The following NCOA3 variants were observed in gnomAD, a reference collection of about 807,000 sequenced individuals.
NCOA3 encodes the protein CBP-interacting protein.
NCOA3 carries 51 observed loss-of-function variants against 158.8 expected under a neutral mutation model. That is an observed-to-expected ratio of 0.32 (90% CI 0.26 to 0.41). The LOEUF is 0.41. NCOA3 is among the 10% of genes least tolerant of loss of function. The pLI, the probability that NCOA3 is intolerant of heterozygous loss-of-function variation, is 1.00. For missense variants in NCOA3, 1,510 were observed against 1,746.6 expected (o/e 0.86, Z 2.41); for synonymous variants, 537 against 592.4 (o/e 0.91, Z 1.36).
chr20:47,540,255 G>T (rs2425955), intron 1 of NCOA3, among the ~76,000 whole-genome samples: 70,581 of 151,962 alleles, frequency 0.46, 16,923 homozygotes, highest in Middle Eastern at 0.61. Context: ...TCTTTGAAAT[G>T]GATTTTTCCT....
chr20:47,641,585 C>T (rs2086611841), intron 16 of NCOA3, among the ~76,000 whole-genome samples: 1 of 146,546 alleles, frequency 6.8e-6, no homozygotes, highest in Admixed American at 6.9e-5. Context: ...ACTGCAAGCT[C>T]CGCCTCCTGG....
intron 2 of NCOA3, among the ~76,000 whole-genome samples, chr20:47,583,970 AG>A: frequency 6.6e-6 from 1 of 152,290 alleles, no homozygotes; most frequent in South Asian, 2.1e-4. Flanking sequence ...AAGAAAAAAA[AG>A]AAATAGAAAA....
At chr20:47,520,525 C>T (rs1488960764) in intron 1 of NCOA3, among the ~76,000 whole-genome samples, 1 of 152,182 alleles carries the variant, frequency 6.6e-6, no homozygotes, top group African/African-American at 2.4e-5. Context: ...GGTTCAACCC[C>T]CTGAAATTTG....
At position 47,648,065 on chromosome 20, in the gene NCOA3, C is replaced by T. The variant is rs955171557; in HGVS notation, c.3546+699C>T. The stretch of plus-strand genomic sequence containing the variant: ...GAGTAGCTGGGGAGCCACGCAAGCC[C>T]GGCTAGTTTTTGTATTTTTAGTAGA... On this transcript the variant is annotated intron_variant, in intron 18 of 22. Transcript: ENST00000371998. Among the ~76,000 whole-genome samples, 5 of 151,770 alleles carry T rather than the reference C, an allele frequency of 3.3e-5. No individual in the cohort carries two copies. In the East Asian group the frequency reaches 5.8e-4, roughly 18 times the overall value.
intron 1 of NCOA3, among the ~76,000 whole-genome samples, chr20:47,543,960 T>C (rs1324179487): frequency 3.9e-5 from 6 of 152,192 alleles, no homozygotes; most frequent in Admixed American, 1.3e-4. Flanking sequence ...ACATTTTTTT[T>C]CTCAAAGTTT....
intron 1 of NCOA3, among the ~76,000 whole-genome samples, chr20:47,550,306 T>C (rs955276823): frequency 6.6e-6 from 1 of 151,780 alleles, no homozygotes; most frequent in African/African-American, 2.4e-5. Flanking sequence ...TAGTCGGGCA[T>C]GGAGGCACAT....
Position 47,583,240 on chromosome 20 carries a change from C to T in NCOA3, c.-41C>T. The T allele has an allele frequency of 5.0e-6, 2 of 398,640 alleles. No individual in the cohort carries two copies. Among genetic ancestry groups the T allele is most frequent in the Non-Finnish European group, 8.8e-6 (2 of 226,058 alleles). The allele number at this position is 398,640 out of a possible 1,614,324, so 24.7% of individuals were successfully genotyped here. On this transcript the variant is annotated 5_prime_UTR_variant, in exon 2 of 23. Coordinates refer to ENST00000371998, the MANE Select transcript of NCOA3 (RefSeq NM_181659.3). Reference sequence around the variant, plus strand: ...GACCAATAAAAATAAACTGCTTGAACATCCTTTGACTGGTTAGCCAGGTAA... The same window carrying T: ...GACCAATAAAAATAAACTGCTTGAATATCCTTTGACTGGTTAGCCAGGTAA...
chr20:47,527,347 T>C (rs1489747221), intron 1 of NCOA3, among the ~76,000 whole-genome samples: 1 of 152,232 alleles, frequency 6.6e-6, no homozygotes, highest in Non-Finnish European at 1.5e-5. Flanking sequence ...CATGTAATCA[T>C]AAAGTATGTT....
chr20:47,617,189 C>T (rs1485162947), intron 2 of NCOA3, among the ~76,000 whole-genome samples: 1 of 152,176 alleles, frequency 6.6e-6, no homozygotes, highest in Non-Finnish European at 1.5e-5. Context: ...CTCCTGACCT[C>T]AGGTGATCCA....
chr20:47,555,698 G>A (rs918771330), intron 1 of NCOA3, among the ~76,000 whole-genome samples: 2 of 125,476 alleles, frequency 1.6e-5, no homozygotes, highest in Non-Finnish European at 3.1e-5. Flanking sequence ...GAGTGCAGTT[G>A]CACTATCTCG....
At chr20:47,529,321 G>A (rs2084508237) in intron 1 of NCOA3, among the ~76,000 whole-genome samples, 1 of 151,348 alleles carries the variant, frequency 6.6e-6, no homozygotes, top group African/African-American at 2.4e-5. Context: ...GTTTCACCAT[G>A]TTGGCCAGGC....
At position 47,642,285 on chromosome 20, in the gene NCOA3, A is replaced by C; in HGVS notation, c.3153A>C (p.Arg1051Ser). 6.2e-7 allele frequency: 1 copy of C among 1,613,276 alleles called. No homozygotes were observed. Among genetic ancestry groups the C allele is most frequent in the Non-Finnish European group, 8.5e-7 (1 of 1,179,790 alleles). Reference protein sequence around the residue: ...PSNLEGQSDERALLDQLHTLL... With the variant: ...PSNLEGQSDESALLDQLHTLL... The stretch of plus-strand genomic sequence containing the variant: ...ACCTGGAAGGCCAGAGTGACGAAAG[A>C]GCATTATTGGACCAGCTGCACACTC... Residue 1051 changes from arginine (R) to serine (S), a missense_variant, in exon 17 of 23, where the codon AGA becomes AGC. Arg to Ser is a moderately radical substitution (Grantham distance 110). Transcript: ENST00000371998.
At chr20:47,511,751 A>T (rs1030415726) in intron 1 of NCOA3, among the ~76,000 whole-genome samples, 1 of 151,048 alleles carries the variant, frequency 6.6e-6, no homozygotes, top group Admixed American at 6.6e-5. Context: ...ACGGGGTTTC[A>T]CCTTGTTGGC....
chr20:47,517,498 T>C (rs577855045), intron 1 of NCOA3, among the ~76,000 whole-genome samples: 129 of 149,220 alleles, frequency 8.6e-4, no homozygotes, highest in African/African-American at 2.7e-3. Context: ...TCGCCCAGGC[T>C]GGAGTGCAGT....
chr20:47,549,407 A>T (rs554781827), intron 1 of NCOA3, among the ~76,000 whole-genome samples: 5 of 151,682 alleles, frequency 3.3e-5, no homozygotes, highest in African/African-American at 4.8e-5. Flanking sequence ...TTAAAAAAAA[A>T]TTTATCTGGG....
chr20:47,529,771 C>T lies in NCOA3; in HGVS notation c.-99+27752C>T, dbSNP rs539255412. Among the ~76,000 whole-genome samples, 9 of 152,310 alleles carry T rather than the reference C, an allele frequency of 5.9e-5. No homozygotes were observed. The South Asian group carries it at 1.2e-3, about 21-fold the overall frequency. On this transcript the variant is annotated intron_variant, in intron 1 of 22. Coordinates refer to ENST00000371998, the MANE Select transcript of NCOA3 (RefSeq NM_181659.3). The stretch of plus-strand genomic sequence containing the variant: ...TGTGAAGATGATAAACAATTCTTTC[C>T]TGTCTGAATTATTCTTTCTCTCATG...
chr20:47,542,845 C>T (rs2146134242), intron 1 of NCOA3, among the ~76,000 whole-genome samples: 1 of 152,228 alleles, frequency 6.6e-6, no homozygotes, highest in South Asian at 2.1e-4. Context: ...ACCTGTTGTC[C>T]CAGCTACTTG....
chr20:47,607,423 C>G (rs931317224), intron 2 of NCOA3, among the ~76,000 whole-genome samples: 1 of 152,182 alleles, frequency 6.6e-6, no homozygotes, highest in Non-Finnish European at 1.5e-5. Flanking sequence ...ACAAGCCTTA[C>G]TGTTGTTTAC....
Position 47,509,460 on chromosome 20 carries a change from T to TGAGA in NCOA3, c.-99+7447_-99+7450dup, listed in dbSNP as rs895331189. Among the ~76,000 whole-genome samples, 24 of 152,276 alleles carry TGAGA rather than the reference T, an allele frequency of 1.6e-4. 2 individuals are homozygous for TGAGA. Among genetic ancestry groups the TGAGA allele is most frequent in the South Asian group, 1.0e-3 (5 of 4,822 alleles). The stretch of plus-strand genomic sequence containing the variant: ...ATAACTGGGTAAAAGTGTGTGTGTG[T>TGAGA]GAGAGAGAGGGATTTTCAGTCCCCT... On this transcript the variant is annotated intron_variant, in intron 1 of 22. Coordinates refer to ENST00000371998, the MANE Select transcript of NCOA3 (RefSeq NM_181659.3).
Sources: gnomAD v4.1 joint callset for allele counts (sites outside exome capture counted in the v4.1 genomes callset) on GRCh38, gnomAD v4.1.1 for gene constraint, MANE v1.5 for transcripts, NCBI Gene and HGNC (gene_info 2026-07-23, HGNC 2026-07-21) for gene names.